The following CCDC7 variants were observed in gnomAD, a reference collection of about 807,000 sequenced individuals.
The protein encoded by CCDC7 is coiled-coil domain containing 7, also known as coiled-coil domain-containing protein 7.
CCDC7 carries 183 observed loss-of-function variants against 196.9 expected under a neutral mutation model. That is an observed-to-expected ratio of 0.93 (90% CI 0.82 to 1.05). The LOEUF is 1.05. Ranked by LOEUF, CCDC7 falls within the 50% of genes least tolerant of loss-of-function variation. The probability of loss-of-function intolerance (pLI) is 0.00; values close to 1 mark genes in which losing one functional copy is unlikely to be tolerated. For missense variants in CCDC7, 1,540 were observed against 1,482.2 expected (o/e 1.04, Z -0.64); for synonymous variants, 525 against 484.6 (o/e 1.08, Z -1.10).
chr10:32,845,216 A>G, intron 33 of CCDC7, 27 bp from the exon 35 acceptor site: 2 of 1,371,752 alleles, frequency 1.5e-6, no homozygotes, highest in Non-Finnish European at 2.0e-6. Flanking sequence ...CTTTCAAAAT[A>G]TATTGATATC....
intron 20 of CCDC7, among the ~76,000 whole-genome samples, chr10:32,639,495 T>C (rs1314614053): frequency 6.6e-6 from 1 of 152,226 alleles, no homozygotes; most frequent in African/African-American, 2.4e-5. Context: ...CATTTCGTTA[T>C]GTACCCAGTA....
chr10:32,733,335 T>C (rs2084302958), intron 28 of CCDC7, among the ~76,000 whole-genome samples: 1 of 152,078 alleles, frequency 6.6e-6, no homozygotes, highest in Non-Finnish European at 1.5e-5. Context: ...ATTACAGAGG[T>C]TTTTTGATAA....
intron 29 of CCDC7, among the ~76,000 whole-genome samples, chr10:32,793,038 A>G (rs1469124800): frequency 6.6e-6 from 1 of 152,230 alleles, no homozygotes; most frequent in Non-Finnish European, 1.5e-5. Flanking sequence ...AATCCAGGAC[A>G]TAGATTGGCT....
At chr10:32,614,200 A>G (rs1023543474) in intron 18 of CCDC7, among the ~76,000 whole-genome samples, 6 of 147,500 alleles carry the variant, frequency 4.1e-5, no homozygotes, top group Non-Finnish European at 6.0e-5. Context: ...TGATTTAAAG[A>G]CTGTTTTATC....
intron 28 of CCDC7, among the ~76,000 whole-genome samples, chr10:32,770,318 A>AT (rs1179292021): frequency 4.6e-5 from 7 of 152,078 alleles, no homozygotes; most frequent in African/African-American, 1.7e-4. Context: ...TTGTATCTCC[A>AT]TTTTCACTTG....
chr10:32,480,358 T>G (rs1376457583), intron 8 of CCDC7, among the ~76,000 whole-genome samples: 1 of 152,154 alleles, frequency 6.6e-6, no homozygotes, highest in Non-Finnish European at 1.5e-5. Flanking sequence ...GGTCTTGCTC[T>G]GTTGCCCAGG....
chr10:32,743,915 A>G (rs1279124214), intron 28 of CCDC7, among the ~76,000 whole-genome samples: 1 of 144,158 alleles, frequency 6.9e-6, no homozygotes, highest in East Asian at 2.1e-4. Context: ...GCATATTCTC[A>G]CTCATAGCTG....
At chr10:32,652,096 T>G (rs1050202743) in intron 20 of CCDC7, among the ~76,000 whole-genome samples, 1 of 152,178 alleles carries the variant, frequency 6.6e-6, no homozygotes, top group Non-Finnish European at 1.5e-5. Flanking sequence ...GGTGCTCCTG[T>G]GTTGTGTGTA....
chr10:32,602,125 G>A (rs185776013), intron 18 of CCDC7, among the ~76,000 whole-genome samples: 2 of 151,444 alleles, frequency 1.3e-5, no homozygotes, highest in Non-Finnish European at 2.9e-5. Flanking sequence ...GAGGGTTTGC[G>A]GCTTCATTCC....
At chr10:32,814,539 C>T (rs2087949504) in intron 31 of CCDC7, 86 bp downstream of exon 32, 2 of 918,688 alleles carry the variant, frequency 2.2e-6, no homozygotes, top group Non-Finnish European at 3.5e-6. Flanking sequence ...TTAAGGAGAA[C>T]AGTGCCTATG....
intron 8 of CCDC7, among the ~76,000 whole-genome samples, chr10:32,475,790 A>C (rs2038865111): frequency 6.6e-6 from 1 of 152,154 alleles, no homozygotes; most frequent in Admixed American, 6.5e-5. Flanking sequence ...AATTCTATTA[A>C]ATCTTATAGC....
At chr10:32,625,716 A>G (rs1216426054) in intron 18 of CCDC7, among the ~76,000 whole-genome samples, 1 of 152,050 alleles carries the variant, frequency 6.6e-6, no homozygotes, top group African/African-American at 2.4e-5. Flanking sequence ...ACTTTTTGAC[A>G]TCATCTCTTT....
chr10:32,725,229 G>T, intron 25 of CCDC7: 2 of 416,972 alleles, frequency 4.8e-6, no homozygotes, highest in Non-Finnish European at 9.7e-6. Context: ...CCTTTCTCTC[G>T]AAGCACCAAC....
At chr10:32,541,996 T>C (rs146672994) in intron 11 of CCDC7, among the ~76,000 whole-genome samples, 1 of 152,292 alleles carries the variant, frequency 6.6e-6, no homozygotes, top group East Asian at 1.9e-4. Context: ...CCTGCTGCCT[T>C]GATGGATAGT....
At chr10:32,444,548 T>A (rs2030539205), upstream of CCDC7, among the ~76,000 whole-genome samples, 1 of 152,224 alleles carries the variant, frequency 6.6e-6, no homozygotes, top group African/African-American at 2.4e-5. Flanking sequence ...CTAGATGTAA[T>A]CTATTTTCAG....
intron 32 of CCDC7, among the ~76,000 whole-genome samples, chr10:32,826,723 A>T (rs552507757): frequency 2.0e-5 from 3 of 152,358 alleles, no homozygotes; most frequent in African/African-American, 7.2e-5. Context: ...TCTGCATGTT[A>T]TGCAGGCACC....
chr10:32,720,858 G>A (rs918036530), intron 25 of CCDC7, among the ~76,000 whole-genome samples: 1 of 152,080 alleles, frequency 6.6e-6, no homozygotes, highest in Non-Finnish European at 1.5e-5. Flanking sequence ...TTGGGAGACC[G>A]AAGTGGGTAT....
chr10:32,794,508 C>T (rs1437309044), intron 29 of CCDC7, among the ~76,000 whole-genome samples: 2 of 152,162 alleles, frequency 1.3e-5, no homozygotes, highest in East Asian at 1.9e-4. Flanking sequence ...CACTGCTTTC[C>T]ACAGTGGCTG....
chr10:32,647,245 G>A (rs553535305), intron 20 of CCDC7, among the ~76,000 whole-genome samples: 4 of 152,258 alleles, frequency 2.6e-5, no homozygotes, highest in East Asian at 3.9e-4. Context: ...AGTGGCTCAC[G>A]CCACTAATCC....
Sources: gnomAD v4.1 joint callset for allele counts (sites outside exome capture counted in the v4.1 genomes callset) on GRCh38, gnomAD v4.1.1 for gene constraint, MANE v1.5 for transcripts, NCBI Gene and HGNC (gene_info 2026-07-23, HGNC 2026-07-21) for gene names.